The following ADAMTS6 variants were observed in gnomAD, a reference collection of about 807,000 sequenced individuals.
The protein encoded by ADAMTS6 is ADAM metallopeptidase with thrombospondin type 1 motif 6, also known as A disintegrin and metalloproteinase with thrombospondin motifs 6.
ADAMTS6 carries 23 observed loss-of-function variants against 144.3 expected under a neutral mutation model. That is an observed-to-expected ratio of 0.16 (90% CI 0.11 to 0.23). The LOEUF (loss-of-function observed/expected upper bound fraction) is 0.23. Among genes scored for constraint, ADAMTS6 ranks in the 10% least tolerant of loss-of-function variants. The pLI is 1.00. For synonymous variants in ADAMTS6, 444 were observed against 457.5 expected, an observed-to-expected ratio of 0.97 and a Z score of 0.38; for missense variants, 999 against 1,379.6, an observed-to-expected ratio of 0.72 and a Z score of 4.37.
chr5:65,330,187 G>A (rs1385736459), intron 8 of ADAMTS6, among the ~76,000 whole-genome samples: 1 of 151,982 alleles, frequency 6.6e-6, no homozygotes, highest in East Asian at 1.9e-4. Flanking sequence ...GTGTTAATTC[G>A]CTGATTCCAG....
intron 9 of ADAMTS6, among the ~76,000 whole-genome samples, chr5:65,313,438 G>T (rs1744697198): frequency 6.6e-6 from 1 of 151,984 alleles, no homozygotes; most frequent in Non-Finnish European, 1.5e-5. Context: ...ATATGTATGT[G>T]TGTATATGTA....
chr5:65,408,300 G>A (rs1754746570), intron 7 of ADAMTS6, among the ~76,000 whole-genome samples: 3 of 152,068 alleles, frequency 2.0e-5, no homozygotes, highest in Admixed American at 6.6e-5. Context: ...AGGGATGGAG[G>A]AAGATCTACC....
chr5:65,408,082 T>C (rs894800551), intron 7 of ADAMTS6, among the ~76,000 whole-genome samples: 1 of 152,198 alleles, frequency 6.6e-6, no homozygotes, highest in Non-Finnish European at 1.5e-5. Flanking sequence ...AGGAAGAAAC[T>C]ACATAAACTA....
At chr5:65,273,254 T>C in intron 12 of ADAMTS6, 86 bp downstream of exon 12, 4 of 1,139,242 alleles carry the variant, frequency 3.5e-6, no homozygotes, top group Non-Finnish European at 5.2e-6. Context: ...AATGAATATA[T>C]AAGACTTCCT....
intron 12 of ADAMTS6, among the ~76,000 whole-genome samples, chr5:65,270,876 G>A (rs1053806626): frequency 3.4e-4 from 52 of 152,136 alleles, no homozygotes; most frequent in African/African-American, 1.3e-3. Flanking sequence ...TCCAAAGACA[G>A]GGTAAAGGGC....
At chr5:65,255,674 C>T (rs997676728) in intron 14 of ADAMTS6, among the ~76,000 whole-genome samples, 1 of 150,692 alleles carries the variant, frequency 6.6e-6, no homozygotes, top group Admixed American at 6.6e-5. Context: ...TTTTATGTTC[C>T]CCTCTCTCAT....
intron 7 of ADAMTS6, chr5:65,415,436 T>C: frequency 5.9e-6 from 1 of 170,402 alleles, no homozygotes; most frequent in Non-Finnish European, 1.3e-5. Flanking sequence ...GCTTCGGCAG[T>C]GGCATCTGAG....
chr5:65,259,376 TCAAACAAACAAACAAA>T (rs150243891), intron 14 of ADAMTS6, among the ~76,000 whole-genome samples: 2 of 149,622 alleles, frequency 1.3e-5, no homozygotes, highest in East Asian at 2.0e-4. Flanking sequence ...AGGCTCTGTC[TCAAACAAACAAACAAA>T]CAAACAAACA....
At chr5:65,271,292 T>C (rs890565170) in intron 12 of ADAMTS6, among the ~76,000 whole-genome samples, 2 of 149,352 alleles carry the variant, frequency 1.3e-5, no homozygotes, top group Admixed American at 1.4e-4. Context: ...GGCAGCAGAA[T>C]TGCTTAAATC....
Position 65,297,628 on chromosome 5 carries a change from C to T in ADAMTS6, c.1370+2357G>A, listed in dbSNP as rs577969106. 9.2e-5 allele frequency among the ~76,000 whole-genome samples: 14 copies of T among 152,190 alleles called. No individual in the cohort carries two copies. In the South Asian group the frequency reaches 1.7e-3, roughly 18 times the overall value. ...TAGCACTGGATTTTAAAAAATATCACGCATAGCTGTTAAAGCAATTAAGTT... is the reference window on the plus strand; with the variant it reads ...TAGCACTGGATTTTAAAAAATATCATGCATAGCTGTTAAAGCAATTAAGTT... On this transcript the variant is annotated intron_variant, in intron 10 of 24. Transcript: ENST00000381055.
intron 22 of ADAMTS6, among the ~76,000 whole-genome samples, chr5:65,187,507 G>A (rs1561260986): frequency 1.3e-5 from 2 of 152,194 alleles, no homozygotes; most frequent in East Asian, 3.9e-4. Context: ...GGTCGTAAGT[G>A]ATAATGAATT....
intron 7 of ADAMTS6, among the ~76,000 whole-genome samples, chr5:65,385,930 A>T (rs893929780): frequency 1.3e-5 from 2 of 152,240 alleles, no homozygotes; most frequent in African/African-American, 4.8e-5. Flanking sequence ...TTGGCTGAGC[A>T]TTGGAGAAGG....
In ADAMTS6 at chr5:65,215,469, T is replaced by C. The variant is rs1481005633; in HGVS notation, c.2291A>G (p.Asp764Gly). The stretch of plus-strand genomic sequence containing the variant: ...CCAGGCACCATTAATATAGTAATCA[T>C]CTCCTTCAGATTTTAAAGCTAGAAA... Reference protein sequence around the residue: ...KNYIALKSEGDDYYINGAWTI... With the variant: ...KNYIALKSEGGDYYINGAWTI... The change falls in exon 19 of 25, where the codon GAT becomes GGT. Residue 764 changes from aspartate (D) to glycine (G), a missense_variant. Asp to Gly is a moderately conservative substitution (Grantham distance 94). Coordinates refer to ENST00000381055, the MANE Select transcript of ADAMTS6 (RefSeq NM_197941.4). 6.2e-7 allele frequency: 1 copy of C among 1,604,798 alleles called. No individual in the cohort carries two copies.
At chr5:65,253,119 C>A (rs915229648) in intron 14 of ADAMTS6, among the ~76,000 whole-genome samples, 8 of 151,960 alleles carry the variant, frequency 5.3e-5, no homozygotes, top group Admixed American at 2.6e-4. Flanking sequence ...AACTCCCGGG[C>A]TCAAGCGATC....
intron 7 of ADAMTS6, among the ~76,000 whole-genome samples, chr5:65,422,105 C>A (rs1008645754): frequency 9.9e-5 from 15 of 151,822 alleles, no homozygotes; most frequent in Non-Finnish European, 4.4e-5. Context: ...CAAAACAAAT[C>A]AGCAAGAAAA....
chr5:65,165,892 G>T (rs1753112297), intron 24 of ADAMTS6, among the ~76,000 whole-genome samples: 1 of 140,710 alleles, frequency 7.1e-6, no homozygotes, highest in Non-Finnish European at 1.5e-5. Context: ...CGCTAAACAT[G>T]GAAAGGAACA....
intron 24 of ADAMTS6, among the ~76,000 whole-genome samples, chr5:65,164,302 C>A: frequency 6.6e-6 from 1 of 152,132 alleles, no homozygotes. Context: ...CACTCCCACC[C>A]GAATATTGCG....
At chr5:65,376,005 G>T (rs1414279723) in intron 7 of ADAMTS6, among the ~76,000 whole-genome samples, 2 of 151,694 alleles carry the variant, frequency 1.3e-5, no homozygotes, top group Non-Finnish European at 2.9e-5. Flanking sequence ...GTAAACTATT[G>T]CAAGAACAAA....
At chr5:65,238,511 G>A (rs560222979) in intron 15 of ADAMTS6, among the ~76,000 whole-genome samples, 90 of 151,788 alleles carry the variant, frequency 5.9e-4, no homozygotes, top group Non-Finnish European at 8.8e-4. Flanking sequence ...GAGGTGGAAG[G>A]ATCGCTTGAG....
Sources: gnomAD v4.1 joint callset for allele counts (sites outside exome capture counted in the v4.1 genomes callset) on GRCh38, gnomAD v4.1.1 for gene constraint, MANE v1.5 for transcripts, NCBI Gene and HGNC (gene_info 2026-07-23, HGNC 2026-07-21) for gene names.